The following FHIT variants were observed in gnomAD, a reference collection of about 807,000 sequenced individuals.
The protein encoded by FHIT is bis(5'-adenosyl)-triphosphatase.
FHIT carries 19 observed loss-of-function variants against 17.9 expected under a neutral mutation model. The observed-to-expected ratio is 1.06, with a 90% confidence interval of 0.74 to 1.56. FHIT has a LOEUF of 1.56. Among genes scored for constraint, FHIT ranks in the 40% most tolerant of loss-of-function variants. The pLI, the probability that FHIT is intolerant of heterozygous loss-of-function variation, is 0.00. For missense variants in FHIT, 248 were observed against 189.2 expected, an observed-to-expected ratio of 1.31 and a Z score of -1.82; for synonymous variants, 81 against 69.7, an observed-to-expected ratio of 1.16 and a Z score of -0.81.
intron 8 of FHIT, among the ~76,000 whole-genome samples, chr3:59,762,776 T>C (rs1365395010): frequency 6.6e-6 from 1 of 152,196 alleles, no homozygotes; most frequent in Non-Finnish European, 1.5e-5. Flanking sequence ...CAGGAATTAA[T>C]CGCTGATCAC....
At chr3:61,167,670 G>A in intron 2 of FHIT, among the ~76,000 whole-genome samples, 8 of 138,448 alleles carry the variant, frequency 5.8e-5, no homozygotes, top group South Asian at 4.7e-4. Flanking sequence ...AGAGAAAAGA[G>A]AATAAAAGAA....
intron 5 of FHIT, among the ~76,000 whole-genome samples, chr3:60,029,282 T>C (rs998017510): frequency 6.6e-6 from 1 of 152,298 alleles, no homozygotes. Flanking sequence ...TGCGTGGTCA[T>C]TTTTATAGTC....
chr3:59,889,967 T>C (rs1181715912), intron 8 of FHIT, among the ~76,000 whole-genome samples: 1 of 152,224 alleles, frequency 6.6e-6, no homozygotes. Context: ...CTCTCTTTCA[T>C]GTGAAAACTT....
At chr3:60,171,277 C>CA (rs1421555941) in intron 5 of FHIT, among the ~76,000 whole-genome samples, 3 of 152,114 alleles carry the variant, frequency 2.0e-5, no homozygotes, top group Non-Finnish European at 4.4e-5. Context: ...TCCAAAGCTA[C>CA]AATTTGCAGC....
intron 2 of FHIT, among the ~76,000 whole-genome samples, chr3:61,095,873 T>C (rs1576003841): frequency 1.3e-5 from 2 of 152,262 alleles, no homozygotes; most frequent in South Asian, 4.2e-4. Flanking sequence ...TGCTATCTTG[T>C]TCTATAGAGA....
intron 3 of FHIT, among the ~76,000 whole-genome samples, chr3:61,040,172 G>C (rs986624791): frequency 9.9e-5 from 15 of 152,148 alleles, no homozygotes; most frequent in African/African-American, 3.6e-4. Flanking sequence ...TCAAAAGAAA[G>C]CAAATGTAAA....
chr3:60,153,233 A>G (rs1340300296), intron 5 of FHIT, among the ~76,000 whole-genome samples: 1 of 152,130 alleles, frequency 6.6e-6, no homozygotes, highest in Non-Finnish European at 1.5e-5. Flanking sequence ...CAGTGTCTCC[A>G]GTTATTAAGT....
In FHIT at chr3:60,910,965, T is replaced by A. The variant is rs533070458; in HGVS notation, c.-110-88954A>T. On this transcript the variant is annotated intron_variant, in intron 3 of 9. Coordinates refer to ENST00000492590, the MANE Select transcript of FHIT (RefSeq NM_002012.4). ...TAATCCAAATTTGGTTTTACCCACT[T>A]ACAAAGGGAAGAAACCGGAGATTTT... is the stretch of plus-strand genomic sequence containing the variant. 4.6e-5 allele frequency among the ~76,000 whole-genome samples: 7 copies of A among 152,336 alleles called. No homozygotes were observed. The East Asian group carries it at 1.4e-3, about 29-fold the overall frequency.
rs140683423 is a variant in FHIT at position 60,316,043 on chromosome 3, T to C, written c.103+220817A>G. On this transcript the variant is annotated intron_variant, in intron 5 of 9. Coordinates refer to ENST00000492590, the MANE Select transcript of FHIT (RefSeq NM_002012.4). ...CAATAGTATTGTTCTCAATGATGTC[T>C]ACTGTCATGAACATGACATTGTTCT... Among the ~76,000 whole-genome samples the C allele has an allele frequency of 2.6e-3, 399 of 152,324 alleles. 2 individuals carry two copies. Among genetic ancestry groups the C allele is most frequent in the Admixed American group, 6.9e-3 (105 of 15,282 alleles).
At chr3:59,894,414 T>C (rs1301772143) in intron 8 of FHIT, among the ~76,000 whole-genome samples, 1 of 152,314 alleles carries the variant, frequency 6.6e-6, no homozygotes, top group African/African-American at 2.4e-5. Flanking sequence ...TTCATAAACA[T>C]TAGCATCATA....
intron 4 of FHIT, among the ~76,000 whole-genome samples, chr3:60,706,242 G>T: frequency 6.6e-6 from 1 of 151,308 alleles, no homozygotes; most frequent in East Asian, 2.0e-4. Flanking sequence ...GGGGCCTGTT[G>T]GGGGTTTGGG....
intron 3 of FHIT, among the ~76,000 whole-genome samples, chr3:60,842,645 A>ATTTTTT (rs1170383044): frequency 2.7e-4 from 26 of 94,580 alleles, no homozygotes; most frequent in African/African-American, 9.5e-4. Context: ...ATATATATAT[A>ATTTTTT]TTTTTTTTTT....
chr3:60,023,902 C>A (rs559374576), intron 5 of FHIT, among the ~76,000 whole-genome samples: 2 of 152,198 alleles, frequency 1.3e-5, no homozygotes, highest in South Asian at 4.2e-4. Context: ...TCAAAATGCT[C>A]CCCAAACTGT....
rs372744484 is a variant in FHIT, at chr3:60,956,453, T to C, written c.-111+85594A>G. Among the ~76,000 whole-genome samples the C allele has an allele frequency of 1.2e-4, 19 of 152,326 alleles. 1 individual carries two copies. In the South Asian group the frequency reaches 2.1e-3, roughly 17 times the overall value. Reference sequence around the variant, plus strand: ...TCTACTTCTTTCTGGAACCTTTACTTTATTGTCCCTACCTTTAGCTGTGCT... The same window carrying C: ...TCTACTTCTTTCTGGAACCTTTACTCTATTGTCCCTACCTTTAGCTGTGCT... On this transcript the variant is annotated intron_variant, in intron 3 of 9. Coordinates refer to ENST00000492590, the MANE Select transcript of FHIT (RefSeq NM_002012.4).
intron 5 of FHIT, among the ~76,000 whole-genome samples, chr3:60,337,161 T>C (rs1011364551): frequency 1.3e-5 from 2 of 152,198 alleles, no homozygotes; most frequent in African/African-American, 4.8e-5. Context: ...CTTTCCTTAA[T>C]GTGATAAATT....
chr3:60,280,529 C>G (rs1707379864), intron 5 of FHIT, among the ~76,000 whole-genome samples: 1 of 152,074 alleles, frequency 6.6e-6, no homozygotes, highest in African/African-American at 2.4e-5. Context: ...ACAGACTCAT[C>G]AAGAAGCCAG....
chr3:59,899,881 A>G (rs1257748910), intron 8 of FHIT, among the ~76,000 whole-genome samples: 2 of 152,200 alleles, frequency 1.3e-5, no homozygotes, highest in Non-Finnish European at 2.9e-5. Flanking sequence ...CAGCTATTGC[A>G]GGCCTAGCAC....
chr3:60,030,659 A>G (rs1277238314), intron 5 of FHIT, among the ~76,000 whole-genome samples: 2 of 152,158 alleles, frequency 1.3e-5, no homozygotes, highest in African/African-American at 2.4e-5. Flanking sequence ...GCTGTATTCT[A>G]CCTGGATACA....
chr3:59,995,211 A>G (rs1038902563), intron 7 of FHIT, among the ~76,000 whole-genome samples: 7 of 152,098 alleles, frequency 4.6e-5, no homozygotes, highest in African/African-American at 1.7e-4. Context: ...AGAAAAAAAA[A>G]ACAACAGAAC....
Sources: gnomAD v4.1 joint callset for allele counts (sites outside exome capture counted in the v4.1 genomes callset) on GRCh38, gnomAD v4.1.1 for gene constraint, MANE v1.5 for transcripts, NCBI Gene and HGNC (gene_info 2026-07-23, HGNC 2026-07-21) for gene names.